The following PIGK variants were observed in gnomAD, a reference collection of about 807,000 sequenced individuals.
PIGK encodes the protein GPI-anchor transamidase.
PIGK carries 42 observed loss-of-function variants against 50.6 expected under a neutral mutation model. The ratio of observed to expected loss-of-function variants is 0.83; its 90% confidence interval spans 0.65 to 1.07. The LOEUF is 1.07. Among genes scored for constraint, PIGK ranks in the 50% least tolerant of loss-of-function variants. The pLI is 0.00. For missense variants in PIGK, 448 were observed against 488.7 expected (o/e 0.92, Z 0.78); for synonymous variants, 151 against 156.0 (o/e 0.97, Z 0.24).
At chr1:77,096,376 T>C (rs1653405262) in intron 10 of PIGK, among the ~76,000 whole-genome samples, 1 of 152,164 alleles carries the variant, frequency 6.6e-6, no homozygotes, top group Non-Finnish European at 1.5e-5. Flanking sequence ...AGGTAGAATC[T>C]ATATCCCTAT....
rs551385351 is a variant in PIGK, at chr1:77,142,036, TA to T, written c.986+12412del. Among the ~76,000 whole-genome samples the T allele has an allele frequency of 1.8e-4, 28 of 152,206 alleles. No individual in the cohort carries two copies. In the East Asian group the frequency reaches 4.8e-3, roughly 26 times the overall value. On this transcript the variant is annotated intron_variant, in intron 9 of 10. Coordinates refer to ENST00000370812, the MANE Select transcript of PIGK (RefSeq NM_005482.3). ...AATATGGCAATGTCAGAATGAGTAT[TA>T]AAAAAGACTAATAGGCTATAATACT... is the stretch of plus-strand genomic sequence containing the variant.
intron 3 of PIGK, among the ~76,000 whole-genome samples, chr1:77,203,998 G>A (rs547341360): frequency 6.6e-6 from 1 of 152,108 alleles, no homozygotes; most frequent in Non-Finnish European, 1.5e-5. Flanking sequence ...TGAAATCTGG[G>A]CATCCAAAAG....
chr1:77,211,251 T>C (rs1656413715), intron 1 of PIGK, among the ~76,000 whole-genome samples: 1 of 151,926 alleles, frequency 6.6e-6, no homozygotes, highest in Admixed American at 6.6e-5. Context: ...TAGTGGGTTT[T>C]TAATAAATAT....
intron 9 of PIGK, among the ~76,000 whole-genome samples, chr1:77,130,350 T>C (rs559936160): frequency 1.3e-5 from 2 of 149,914 alleles, no homozygotes; most frequent in Non-Finnish European, 3.0e-5. Context: ...AATTCTGATG[T>C]TTTCTTTTTG....
At chr1:77,139,620 T>C (rs1310026366) in intron 9 of PIGK, among the ~76,000 whole-genome samples, 1 of 152,194 alleles carries the variant, frequency 6.6e-6, no homozygotes, top group African/African-American at 2.4e-5. Context: ...GTAGAACCCA[T>C]GTAGTCCTTA....
At chr1:77,093,119 G>C (rs1653335504) in intron 10 of PIGK, among the ~76,000 whole-genome samples, 1 of 151,956 alleles carries the variant, frequency 6.6e-6, no homozygotes, top group Non-Finnish European at 1.5e-5. Context: ...TCTCCCACCT[G>C]ATATGTTATT....
intron 3 of PIGK, among the ~76,000 whole-genome samples, chr1:77,196,416 C>G (rs911960713): frequency 6.6e-5 from 10 of 152,146 alleles, no homozygotes; most frequent in African/African-American, 2.4e-4. Context: ...TCCACCGTAA[C>G]TGAACTAATT....
intron 3 of PIGK, among the ~76,000 whole-genome samples, chr1:77,197,392 C>T (rs1220941958): frequency 6.6e-6 from 1 of 152,084 alleles, no homozygotes; most frequent in African/African-American, 2.4e-5. Context: ...TCAGGCACAG[C>T]GAAGAATTGT....
At chr1:77,135,744 T>C (rs1654493370) in intron 9 of PIGK, among the ~76,000 whole-genome samples, 1 of 151,916 alleles carries the variant, frequency 6.6e-6, no homozygotes, top group Non-Finnish European at 1.5e-5. Context: ...ACTGCATACT[T>C]TCCTCACTGT....
chr1:77,120,527 T>G lies in PIGK; in HGVS notation c.1071+1748A>C, dbSNP rs112734382. Reference sequence around the variant, plus strand: ...GGGATACCACGTGCCCGGCCAAAATTTGCTTTTAAATAACGGACTTATCAG... The same window carrying G: ...GGGATACCACGTGCCCGGCCAAAATGTGCTTTTAAATAACGGACTTATCAG... On this transcript the variant is annotated intron_variant, in intron 10 of 10. Transcript: ENST00000370812. Among the ~76,000 whole-genome samples the G allele has an allele frequency of 4.7e-3, 712 of 152,220 alleles. 4 individuals are homozygous for G. The highest frequency in any genetic ancestry group is 0.027 in the Middle Eastern group (8 of 294).
chr1:77,181,676 G>T (rs1339168137), intron 3 of PIGK, among the ~76,000 whole-genome samples: 1 of 152,044 alleles, frequency 6.6e-6, no homozygotes, highest in Admixed American at 6.6e-5. Flanking sequence ...AATCTCTGAT[G>T]CCCTCTTAAA....
chr1:77,152,532 A>T (rs148340768), intron 9 of PIGK, among the ~76,000 whole-genome samples: 93 of 152,286 alleles, frequency 6.1e-4, no homozygotes, highest in African/African-American at 2.1e-3. Flanking sequence ...GATTCTGCAT[A>T]GCAAAGGAAA....
intron 3 of PIGK, among the ~76,000 whole-genome samples, chr1:77,176,398 T>C (rs1005215769): frequency 1.3e-5 from 2 of 152,232 alleles, no homozygotes; most frequent in African/African-American, 4.8e-5. Context: ...TATTTTAGTG[T>C]ATGTCATCAA....
intron 9 of PIGK, among the ~76,000 whole-genome samples, chr1:77,134,301 G>A (rs1157763475): frequency 2.0e-5 from 3 of 152,168 alleles, no homozygotes; most frequent in African/African-American, 4.8e-5. Flanking sequence ...TCCTGAAGAT[G>A]TTTATCTCCT....
rs1653291220 is a variant in PIGK at position 77,091,295 on chromosome 1, A to G, written c.*1079T>C. ...AAACTAAAATGTCAGTGATGGGGAT[A>G]TGAGCTCTTGCATCTTACCAGAGAC... On this transcript the variant is annotated 3_prime_UTR_variant, in exon 11 of 11. Transcript: ENST00000370812. 6.6e-6 allele frequency: 1 copy of G among 152,214 alleles called. No individual in the cohort carries two copies. Among genetic ancestry groups the G allele is most frequent in the Non-Finnish European group, 1.5e-5 (1 of 68,026 alleles). The allele number at this position is 152,214 out of a possible 1,614,324, so 9.4% of individuals were successfully genotyped here.
intron 10 of PIGK, among the ~76,000 whole-genome samples, chr1:77,112,790 T>C (rs1226492088): frequency 2.0e-5 from 3 of 152,048 alleles, no homozygotes; most frequent in Non-Finnish European, 4.4e-5. Context: ...CACTTTTCCA[T>C]TCCCTGGAGC....
intron 2 of PIGK, among the ~76,000 whole-genome samples, chr1:77,207,037 T>C (rs1656304367): frequency 6.6e-6 from 1 of 152,058 alleles, no homozygotes; most frequent in South Asian, 2.1e-4. Context: ...TGTGGTGGCG[T>C]GCACCTGTAG....
intron 1 of PIGK, among the ~76,000 whole-genome samples, chr1:77,212,632 T>C (rs1449284920): frequency 2.0e-5 from 3 of 151,838 alleles, no homozygotes; most frequent in Non-Finnish European, 4.4e-5. Flanking sequence ...TCCACACAAA[T>C]GGAAAACAAA....
intron 6 of PIGK, among the ~76,000 whole-genome samples, chr1:77,163,543 G>T (rs1655172577): frequency 6.6e-6 from 1 of 152,050 alleles, no homozygotes; most frequent in Non-Finnish European, 1.5e-5. Context: ...AAAATAAACA[G>T]ATGTTCATAA....
Sources: gnomAD v4.1 joint callset for allele counts (sites outside exome capture counted in the v4.1 genomes callset) on GRCh38, gnomAD v4.1.1 for gene constraint, MANE v1.5 for transcripts, NCBI Gene and HGNC (gene_info 2026-07-23, HGNC 2026-07-21) for gene names.